Variants in NELL1 observed in about 807,000 individuals in gnomAD.
NELL1 encodes neural EGFL like 1.
Under a neutral mutation model 107.4 loss-of-function variants are expected in NELL1, and 76 were observed. The ratio of observed to expected loss-of-function variants is 0.71; its 90% CI spans 0.59 to 0.86. The LOEUF is 0.86. Ranked by LOEUF, NELL1 falls within the 40% of genes least tolerant of loss-of-function variation. The pLI, the probability that NELL1 is intolerant of heterozygous loss-of-function variation, is 0.00. For synonymous variants in NELL1, 353 were observed against 341.2 expected (o/e 1.03, Z -0.38); for missense variants, 1,024 against 1,005.5 (o/e 1.02, Z -0.25).
At chr11:21,490,799 T>G (rs1213031731) in intron 15 of NELL1, among the ~76,000 whole-genome samples, 1 of 151,890 alleles carries the variant, frequency 6.6e-6, no homozygotes, top group East Asian at 1.9e-4. Flanking sequence ...AAAAATAAAC[T>G]CAAGATCAAT....
chr11:21,091,744 G>A (rs1301430223), intron 12 of NELL1, among the ~76,000 whole-genome samples: 2 of 152,134 alleles, frequency 1.3e-5, no homozygotes, highest in Non-Finnish European at 2.9e-5. Flanking sequence ...ATACAGAAAT[G>A]TAAGACATCC....
rs556688694 is a variant in NELL1 at position 21,273,778 on chromosome 11, C to G, written c.1549+44324C>G. On this transcript the variant is annotated intron_variant, in intron 14 of 19. Coordinates refer to ENST00000357134, the MANE Select transcript of NELL1 (RefSeq NM_006157.5). ...TTCTTAAAGAAAAGAATTTTCAACC[C>G]AGAATTTCATATCCAGCCAAACTAA... Among the ~76,000 whole-genome samples, 30 of 152,250 alleles carry G rather than the reference C, an allele frequency of 2.0e-4. 1 individual carries two copies. In the South Asian group the frequency reaches 5.6e-3, roughly 28 times the overall value.
intron 3 of NELL1, among the ~76,000 whole-genome samples, chr11:20,811,204 T>C (rs113639027): frequency 0.02 from 2,995 of 152,302 alleles, 103 homozygotes; most frequent in African/African-American, 0.068. Flanking sequence ...TTATTTTGCA[T>C]TTGGGTATCC....
intron 12 of NELL1, among the ~76,000 whole-genome samples, chr11:21,033,006 TTTATC>T (rs1853001166): frequency 6.6e-6 from 1 of 152,192 alleles, no homozygotes; most frequent in Non-Finnish European, 1.5e-5. Flanking sequence ...TAAATAATGA[TTTATC>T]TTAGTGTTTA....
chr11:20,738,078 A>G (rs1237327708), intron 2 of NELL1, among the ~76,000 whole-genome samples: 1 of 151,682 alleles, frequency 6.6e-6, no homozygotes. Flanking sequence ...TCTATCATCT[A>G]TGACACAGTG....
intron 15 of NELL1, among the ~76,000 whole-genome samples, chr11:21,443,773 C>G (rs1277393457): frequency 2.6e-5 from 4 of 151,416 alleles, no homozygotes; most frequent in African/African-American, 9.7e-5. Flanking sequence ...TTACTTGAAC[C>G]CAGGAGGCAG....
rs557087530 is a variant in NELL1, at chr11:21,172,306, G to T, written c.1427-57026G>T. 1.1e-4 allele frequency among the ~76,000 whole-genome samples: 17 copies of T among 151,972 alleles called. No individual in the cohort carries two copies. In the South Asian group the frequency reaches 2.5e-3, roughly 22 times the overall value. On this transcript the variant is annotated intron_variant, in intron 13 of 19. Transcript: ENST00000357134. ...AATTGCTACGTTTTAGCTCAAGCTT[G>T]TTAGCACAGAGTGGTTTTCTCTATG...
At chr11:20,815,203 T>C (rs374439934) in intron 3 of NELL1, among the ~76,000 whole-genome samples, 20 of 152,138 alleles carry the variant, frequency 1.3e-4, no homozygotes, top group East Asian at 5.8e-4. Context: ...TAGCTGGGAT[T>C]ACAGGTGCCT....
intron 2 of NELL1, among the ~76,000 whole-genome samples, chr11:20,734,080 C>G (rs543513196): frequency 6.6e-6 from 1 of 152,198 alleles, no homozygotes; most frequent in Admixed American, 6.5e-5. Context: ...ATGGAAGAAG[C>G]CATTTCCTAC....
At chr11:21,194,482 T>A (rs1010709125) in intron 13 of NELL1, among the ~76,000 whole-genome samples, 1 of 152,142 alleles carries the variant, frequency 6.6e-6, no homozygotes, top group Non-Finnish European at 1.5e-5. Context: ...GTTGATCTGG[T>A]CTGGTCTAGG....
At chr11:21,243,372 A>G (rs1166960741) in intron 14 of NELL1, among the ~76,000 whole-genome samples, 1 of 152,128 alleles carries the variant, frequency 6.6e-6, no homozygotes, top group Non-Finnish European at 1.5e-5. Context: ...GATGAGGTAG[A>G]AAATGATTTT....
At chr11:20,772,347 A>G (rs1370137325) in intron 2 of NELL1, among the ~76,000 whole-genome samples, 1 of 152,188 alleles carries the variant, frequency 6.6e-6, no homozygotes, top group African/African-American at 2.4e-5. Flanking sequence ...AATAAGCTAC[A>G]AAGTTGGAGT....
intron 15 of NELL1, among the ~76,000 whole-genome samples, chr11:21,483,412 G>A (rs946329817): frequency 3.9e-5 from 6 of 151,974 alleles, no homozygotes; most frequent in African/African-American, 1.4e-4. Flanking sequence ...TGCAAAGTAC[G>A]TCTTCAACAA....
At chr11:21,498,480 A>G (rs1460032821) in intron 15 of NELL1, among the ~76,000 whole-genome samples, 2 of 150,858 alleles carry the variant, frequency 1.3e-5, no homozygotes, top group African/African-American at 4.8e-5. Context: ...ATTGATACAT[A>G]CATAGTTCTG....
intron 15 of NELL1, among the ~76,000 whole-genome samples, chr11:21,473,252 TTG>T (rs1373191900): frequency 6.6e-6 from 1 of 152,018 alleles, no homozygotes; most frequent in African/African-American, 2.4e-5. Flanking sequence ...ATGAGAAATC[TTG>T]TGTTTCTGTC....
intron 14 of NELL1, among the ~76,000 whole-genome samples, chr11:21,307,452 A>T (rs552283398): frequency 1.4e-4 from 21 of 152,026 alleles, no homozygotes; most frequent in Admixed American, 7.9e-4. Flanking sequence ...CTTATTCCCA[A>T]ACACACACCT....
intron 14 of NELL1, among the ~76,000 whole-genome samples, chr11:21,283,343 TA>T (rs1330853329): frequency 2.0e-5 from 3 of 152,152 alleles, no homozygotes; most frequent in Admixed American, 6.5e-5. Context: ...TTTAAAAAAT[TA>T]AAAAATAAGA....
rs1420826677 is a variant in NELL1, at chr11:21,328,505, G to A, written c.1550-42348G>A. On this transcript the variant is annotated intron_variant, in intron 14 of 19. Transcript: ENST00000357134. ...ACCTCTCCTATGGCAGTGTGGAAGA[G>A]AAATGTAAGGTTGGAGCCTCCACAC... 4.6e-5 allele frequency among the ~76,000 whole-genome samples: 7 copies of A among 152,300 alleles called. No individual in the cohort carries two copies. The South Asian group carries it at 8.3e-4, about 18-fold the overall frequency.
chr11:21,080,021 A>G (rs1216813474), intron 12 of NELL1, among the ~76,000 whole-genome samples: 1 of 152,082 alleles, frequency 6.6e-6, no homozygotes, highest in Non-Finnish European at 1.5e-5. Context: ...TCATTACTAC[A>G]TTAAAACAAG....
Sources: allele counts gnomAD v4.1 joint callset (sites outside exome capture counted in the v4.1 genomes callset), GRCh38; gene constraint gnomAD v4.1.1; transcripts MANE v1.5; gene names NCBI Gene and HGNC (gene_info 2026-07-23, HGNC 2026-07-21).